Variants in PIKFYVE observed in about 807,000 individuals in gnomAD.
PIKFYVE encodes phosphoinositide kinase, FYVE-type zinc finger containing.
A neutral mutation model predicts 257.9 loss-of-function variants in PIKFYVE; 122 were observed. The observed-to-expected ratio is 0.47, with a 90% confidence interval of 0.41 to 0.55. PIKFYVE has a LOEUF of 0.55. PIKFYVE is among the 20% of genes least tolerant of loss of function. The probability of loss-of-function intolerance (pLI) is 0.00; values close to 1 mark genes in which losing one functional copy is unlikely to be tolerated. For synonymous variants in PIKFYVE, 892 were observed against 868.9 expected, an observed-to-expected ratio of 1.03 and a Z score of -0.47; for missense variants, 2,160 against 2,536.6, an observed-to-expected ratio of 0.85 and a Z score of 3.19.
Position 208,305,340 on chromosome 2 carries a change from T to C in PIKFYVE, c.1636+327T>C, listed in dbSNP as rs1419607126. Reference sequence around the variant, plus strand: ...TGCATTTATAACATGGATGTTCTGCTCTATTCTTTTCTCTTTCTTCATTTA... The same window carrying C: ...TGCATTTATAACATGGATGTTCTGCCCTATTCTTTTCTCTTTCTTCATTTA... On this transcript the variant is annotated intron_variant, in intron 12 of 41. Coordinates refer to ENST00000264380, the MANE Select transcript of PIKFYVE (RefSeq NM_015040.4). 5.1e-6 allele frequency: 6 copies of C among 1,175,496 alleles called. No homozygotes were observed. The South Asian group carries it at 8.3e-5, about 16-fold the overall frequency. The allele number at this position is 1,175,496 out of a possible 1,614,324, so 72.8% of individuals were successfully genotyped here.
At chr2:208,339,346 A>G in intron 29 of PIKFYVE, 72 bp from the exon 30 acceptor site, 1 of 1,554,430 alleles carries the variant, frequency 6.4e-7, no homozygotes, top group Non-Finnish European at 8.9e-7. Flanking sequence ...ATGAATGAGC[A>G]TTTAAAAAAT....
chr2:208,347,578 C>A (rs548799547), intron 34 of PIKFYVE, among the ~76,000 whole-genome samples: 1 of 152,042 alleles, frequency 6.6e-6, no homozygotes, highest in Admixed American at 6.6e-5. Context: ...AGATAATTCC[C>A]TATATTTTTA....
intron 23 of PIKFYVE, 31 bp from the exon 24 acceptor site, chr2:208,333,284 G>T: frequency 4.4e-6 from 7 of 1,601,992 alleles, no homozygotes; most frequent in Non-Finnish European, 6.0e-6. Context: ...CTCAATATGT[G>T]ATTAGGTAAA....
intron 31 of PIKFYVE, 37 bp downstream of exon 31, chr2:208,340,168 G>A (rs767321447): frequency 2.5e-6 from 4 of 1,609,750 alleles, no homozygotes; most frequent in African/African-American, 1.3e-5. Flanking sequence ...TTAGCAGGGG[G>A]GTTATTTTTC....
At chr2:208,326,828 A>G (rs747730311) in intron 20 of PIKFYVE, among the ~76,000 whole-genome samples, 20 of 152,196 alleles carry the variant, frequency 1.3e-4, no homozygotes, top group Non-Finnish European at 1.8e-4. Context: ...AGCAGCAAAT[A>G]TATTTGTTTT....
At chr2:208,329,985 C>T in intron 22 of PIKFYVE, 72 bp downstream of exon 22, 1 of 1,568,496 alleles carries the variant, frequency 6.4e-7, no homozygotes, top group Non-Finnish European at 8.7e-7. Flanking sequence ...AAAACGTAAA[C>T]ATGAGTCGGA....
At chr2:208,330,355 A>T (rs1198255791) in intron 22 of PIKFYVE, among the ~76,000 whole-genome samples, 168 bp from the exon 23 acceptor site, 1 of 152,242 alleles carries the variant, frequency 6.6e-6, no homozygotes, top group Admixed American at 6.5e-5. Context: ...GAAGGTGCTT[A>T]ACAAATGGAA....
intron 10 of PIKFYVE, 74 bp downstream of exon 10, chr2:208,302,427 A>G: frequency 7.5e-7 from 1 of 1,331,242 alleles, no homozygotes. Flanking sequence ...AGTGGGAATA[A>G]AAAGTAGTTT....
chr2:208,317,543 T>C (rs1695684321), intron 15 of PIKFYVE, among the ~76,000 whole-genome samples: 1 of 152,154 alleles, frequency 6.6e-6, no homozygotes, highest in South Asian at 2.1e-4. Flanking sequence ...CTGATTTAGA[T>C]AGTAATGGAG....
At chr2:208,277,775 G>C in intron 5 of PIKFYVE, 67 bp downstream of exon 5, 3 of 1,548,828 alleles carry the variant, frequency 1.9e-6, no homozygotes, top group Non-Finnish European at 2.7e-6. Flanking sequence ...TATAATACAG[G>C]ATAGTGTTAA....
chr2:208,274,909 A>G (rs1465783067), intron 3 of PIKFYVE, among the ~76,000 whole-genome samples: 1 of 152,236 alleles, frequency 6.6e-6, no homozygotes, highest in African/African-American at 2.4e-5. Flanking sequence ...AAGTTAGACT[A>G]AAATGTAATA....
At chr2:208,310,564 G>C (rs1470815078) in intron 12 of PIKFYVE, among the ~76,000 whole-genome samples, 3 of 152,146 alleles carry the variant, frequency 2.0e-5, no homozygotes, top group Non-Finnish European at 4.4e-5. Context: ...TAGAGAAGAA[G>C]GTGAAAATCA....
Position 208,277,858 on chromosome 2 carries a change from G to C in PIKFYVE, c.613+150G>C. On this transcript the variant is annotated intron_variant, in intron 5 of 41. Coordinates refer to ENST00000264380, the MANE Select transcript of PIKFYVE (RefSeq NM_015040.4). ...GTGAGGGAGACAGCTTTGCTTTTAAGAACTTTCCTATTGAATAATACAGTA... is the reference window on the plus strand; with the variant it reads ...GTGAGGGAGACAGCTTTGCTTTTAACAACTTTCCTATTGAATAATACAGTA... 3 of 755,104 alleles carry C rather than the reference G, an allele frequency of 4.0e-6. No homozygotes were observed. In the Admixed American group the frequency reaches 7.2e-5, roughly 18 times the overall value. 46.8% of individuals were successfully genotyped at this position (755,104 alleles called of 1,614,324 possible).
intron 28 of PIKFYVE, 133 bp from the exon 29 acceptor site, chr2:208,338,375 G>T: frequency 1.5e-6 from 1 of 656,554 alleles, no homozygotes; most frequent in Non-Finnish European, 2.6e-6. Context: ...AAAATATTAA[G>T]GGGGTTTTTA....
intron 3 of PIKFYVE, among the ~76,000 whole-genome samples, chr2:208,275,673 C>T (rs986867930): frequency 3.9e-5 from 6 of 152,142 alleles, no homozygotes; most frequent in African/African-American, 1.4e-4. Context: ...AGATCCCAAC[C>T]TCTCATTTCT....
chr2:208,304,920 A>G lies in PIKFYVE; in HGVS notation c.1543A>G (p.Ile515Val), dbSNP rs1320518709. The G allele has an allele frequency of 3.1e-6, 5 of 1,614,120 alleles. No homozygotes were observed. Among genetic ancestry groups the G allele is most frequent in the South Asian group, 1.1e-5 (1 of 91,082 alleles). Residue 515 changes from isoleucine (I) to valine (V), a missense_variant, in exon 12 of 42, where the codon ATC becomes GTC. By Grantham distance (29) the Ile-to-Val change is conservative. Coordinates refer to ENST00000264380, the MANE Select transcript of PIKFYVE (RefSeq NM_015040.4). Reference sequence around the variant, plus strand: ...AGTGGACAGTGACTCAGCCGCTTCTATCAGCCTGAACGTGGAGCTGGACAA... The same window carrying G: ...AGTGGACAGTGACTCAGCCGCTTCTGTCAGCCTGAACGTGGAGCTGGACAA... ...STVDSDSAAS[I>V]SLNVELDNVN...
chr2:208,313,048 G>T (rs944902413), intron 13 of PIKFYVE, among the ~76,000 whole-genome samples: 3 of 152,292 alleles, frequency 2.0e-5, no homozygotes, highest in African/African-American at 7.2e-5. Flanking sequence ...TAATTGAAAT[G>T]TGCAATTCTT....
intron 32 of PIKFYVE, among the ~76,000 whole-genome samples, chr2:208,344,018 C>A (rs113492032): frequency 0.099 from 14,983 of 151,980 alleles, 815 homozygotes; most frequent in Non-Finnish European, 0.12. Flanking sequence ...CAGGATTTCA[C>A]CATGTTGGCC....
chr2:208,274,989 A>G (rs1310439873), intron 3 of PIKFYVE, among the ~76,000 whole-genome samples: 2 of 152,178 alleles, frequency 1.3e-5, no homozygotes, highest in African/African-American at 4.8e-5. Context: ...GAACTTTAAT[A>G]TCTCCAGGTG....
Sources: allele counts gnomAD v4.1 joint callset (sites outside exome capture counted in the v4.1 genomes callset), GRCh38; gene constraint gnomAD v4.1.1; transcripts MANE v1.5; gene names NCBI Gene and HGNC (gene_info 2026-07-23, HGNC 2026-07-21).